The following ASTN2 variants were observed in gnomAD, a reference collection of about 807,000 sequenced individuals.
ASTN2 encodes the protein astrotactin 2.
In ASTN2, 54 loss-of-function variants were observed where a neutral mutation model predicts 139.8. The observed-to-expected ratio is 0.39, with a 90% CI of 0.31 to 0.48. The LOEUF (loss-of-function observed/expected upper bound fraction) is 0.48, where lower values mean the gene tolerates loss of function less well. ASTN2 is among the 20% of genes least tolerant of loss of function. The probability of loss-of-function intolerance (pLI) is 0.95; values close to 1 mark genes in which losing one functional copy is unlikely to be tolerated. For missense variants in ASTN2, 1,565 were observed against 1,725.1 expected, an observed-to-expected ratio of 0.91 and a Z score of 1.64; for synonymous variants, 756 against 719.5, an observed-to-expected ratio of 1.05 and a Z score of -0.81.
chr9:117,147,990 G>A (rs1204767325), intron 3 of ASTN2, among the ~76,000 whole-genome samples: 1 of 152,176 alleles, frequency 6.6e-6, no homozygotes, highest in East Asian at 1.9e-4. Context: ...AGAGCCCTAG[G>A]AAATCTGGTG....
chr9:116,980,398 A>AG (rs1564369368), intron 7 of ASTN2, among the ~76,000 whole-genome samples: 1 of 152,144 alleles, frequency 6.6e-6, no homozygotes, highest in Non-Finnish European at 1.5e-5. Flanking sequence ...ATTAAAAAAA[A>AG]AAAAGAAAAG....
chr9:116,515,451 G>A (rs754639748), intron 19 of ASTN2, among the ~76,000 whole-genome samples: 18 of 152,286 alleles, frequency 1.2e-4, no homozygotes, highest in Non-Finnish European at 1.8e-4. Context: ...GTCAGGATAT[G>A]TGGCTAGAAG....
intron 17 of ASTN2, among the ~76,000 whole-genome samples, chr9:116,622,125 C>T (rs1856189082): frequency 6.6e-6 from 1 of 152,142 alleles, no homozygotes; most frequent in Non-Finnish European, 1.5e-5. Flanking sequence ...CAAGATGTCA[C>T]TTTTTTCATT....
chr9:117,022,310 T>C (rs1837906377), intron 6 of ASTN2, among the ~76,000 whole-genome samples: 1 of 152,178 alleles, frequency 6.6e-6, no homozygotes, highest in East Asian at 1.9e-4. Context: ...AGGAAATTAG[T>C]AAGTGCTACT....
At chr9:117,308,213 A>AAATCAATCAATCAATCAATC (rs112764473) in intron 1 of ASTN2, among the ~76,000 whole-genome samples, 1 of 150,240 alleles carries the variant, frequency 6.7e-6, no homozygotes, top group Admixed American at 6.7e-5. Flanking sequence ...TGCTGGGGCA[A>AAATCAATCAATCAATCAATC]AATCAATCAA....
chr9:117,045,257 CAA>C (rs56993648), intron 5 of ASTN2, among the ~76,000 whole-genome samples: 55,946 of 131,566 alleles, frequency 0.43, 12,356 homozygotes, highest in East Asian at 0.74. Context: ...ATGTAATTAG[CAA>C]AAAAAAAAAA....
Position 116,425,868 on chromosome 9 carries a change from C to A in ASTN2, c.4003G>T (p.Glu1335Ter). The change falls in exon 23 of 23, where the codon GAG becomes TAG. Residue 1335 changes from glutamate (E) to a stop codon, truncating the protein, a stop_gained. Transcript: ENST00000313400. LOFTEE classifies it high-confidence loss of function. ...MVSMARNTYG[E>*]SKGR ...ACCCTCCCTCACCGGCCCTTGGACT[C>A]CCCGTACGTGTTTCGGGCCATTGAC... 2 of 1,614,142 alleles carry A rather than the reference C, an allele frequency of 1.2e-6. No individual in the cohort carries two copies. Among genetic ancestry groups the A allele is most frequent in the Non-Finnish European group, 1.7e-6 (2 of 1,180,038 alleles).
At chr9:116,734,813 C>T (rs774699855) in intron 13 of ASTN2, among the ~76,000 whole-genome samples, 36 of 152,122 alleles carry the variant, frequency 2.4e-4, no homozygotes, top group African/African-American at 4.3e-4. Flanking sequence ...ACTCCAGGCA[C>T]CTTTGAAGCT....
At chr9:116,770,532 C>A (rs1318837003) in intron 13 of ASTN2, among the ~76,000 whole-genome samples, 1 of 152,174 alleles carries the variant, frequency 6.6e-6, no homozygotes, top group Non-Finnish European at 1.5e-5. Context: ...GTTTCATGAG[C>A]CTGTCTGACT....
chr9:116,806,993 CTG>C (rs1022160644), intron 12 of ASTN2, among the ~76,000 whole-genome samples: 10 of 152,118 alleles, frequency 6.6e-5, no homozygotes, highest in African/African-American at 2.4e-4. Context: ...GCATATAGTA[CTG>C]TGAGTAAGTA....
intron 10 of ASTN2, among the ~76,000 whole-genome samples, chr9:116,876,555 G>A (rs188329040): frequency 6.6e-6 from 1 of 152,284 alleles, no homozygotes; most frequent in South Asian, 2.1e-4. Context: ...AAAATCTTTT[G>A]TGAAAGGAAG....
chr9:117,379,467 G>A (rs1339930), intron 1 of ASTN2, among the ~76,000 whole-genome samples: 59,248 of 152,074 alleles, frequency 0.39, 12,708 homozygotes, highest in East Asian at 0.92. Context: ...TCTCTCTCCA[G>A]TCATCCTGCC....
chr9:116,459,085 C>T lies in ASTN2; in HGVS notation c.3498-16532G>A, dbSNP rs1281000678. Among the ~76,000 whole-genome samples the T allele has an allele frequency of 2.6e-5, 4 of 151,944 alleles. No individual in the cohort carries two copies. In the East Asian group the frequency reaches 7.7e-4, roughly 29 times the overall value. ...TAGATCAATGAAATAAAATTGACAGCCCAGAAATAAACTCATACATTTATG... is the reference window on the plus strand; with the variant it reads ...TAGATCAATGAAATAAAATTGACAGTCCAGAAATAAACTCATACATTTATG... On this transcript the variant is annotated intron_variant, in intron 20 of 22. Transcript: ENST00000313400.
chr9:116,530,388 T>C, intron 19 of ASTN2, among the ~76,000 whole-genome samples: 1 of 151,378 alleles, frequency 6.6e-6, no homozygotes, highest in Non-Finnish European at 1.5e-5. Flanking sequence ...AAATTTTAGT[T>C]AGGAAGAATA....
At chr9:117,315,944 C>T (rs186547248) in intron 1 of ASTN2, among the ~76,000 whole-genome samples, 139 of 152,280 alleles carry the variant, frequency 9.1e-4, no homozygotes, top group East Asian at 5.0e-3. Context: ...TAATAGGCAA[C>T]GTCTATTGAC....
intron 2 of ASTN2, among the ~76,000 whole-genome samples, chr9:117,285,990 T>TAAAACATATTGGTCTCA (rs1236067161): frequency 6.6e-6 from 1 of 152,184 alleles, no homozygotes; most frequent in Non-Finnish European, 1.5e-5. Flanking sequence ...AGCGCCAAGA[T>TAAAACATATTGGTCTCA]AAAACATATT....
chr9:116,815,622 G>A (rs536553295), intron 12 of ASTN2, among the ~76,000 whole-genome samples: 8 of 151,194 alleles, frequency 5.3e-5, no homozygotes, highest in African/African-American at 1.2e-4. Flanking sequence ...TGGCAAACAC[G>A]GTGAAACCCC....
chr9:117,193,646 A>AAG (rs1030125134), intron 3 of ASTN2, among the ~76,000 whole-genome samples: 1 of 151,532 alleles, frequency 6.6e-6, no homozygotes, highest in African/African-American at 2.4e-5. Flanking sequence ...CACCAAAAAA[A>AAG]AAAAAAAAAA....
intron 16 of ASTN2, among the ~76,000 whole-genome samples, chr9:116,704,792 C>T (rs1470882041): frequency 6.7e-6 from 1 of 149,972 alleles, no homozygotes; most frequent in Non-Finnish European, 1.5e-5. Context: ...TAAATAAATC[C>T]TAAAGTCTAA....
Sources: allele counts gnomAD v4.1 joint callset (sites outside exome capture counted in the v4.1 genomes callset), GRCh38; gene constraint gnomAD v4.1.1; transcripts MANE v1.5; gene names NCBI Gene and HGNC (gene_info 2026-07-23, HGNC 2026-07-21).